The following MTM1 variants were observed in gnomAD, a reference collection of about 807,000 sequenced individuals.
MTM1 encodes the protein myotubularin 1.
A neutral mutation model predicts 52.1 loss-of-function variants in MTM1; 9 were observed. That is an observed-to-expected ratio of 0.17 (90% CI 0.10 to 0.30). MTM1 has a LOEUF of 0.30. Among genes scored for constraint, MTM1 ranks in the 10% least tolerant of loss-of-function variants. The pLI, the probability that MTM1 is intolerant of heterozygous loss-of-function variation, is 1.00. For synonymous variants in MTM1, 136 were observed against 163.8 expected, an observed-to-expected ratio of 0.83 and a Z score of 1.29; for missense variants, 277 against 470.7, an observed-to-expected ratio of 0.59 and a Z score of 3.81.
chrX:150,658,879 G>T (rs782372501), intron 11 of MTM1, among the ~76,000 whole-genome samples: 2 of 112,227 alleles, frequency 1.8e-5, no homozygotes, highest in African/African-American at 6.5e-5. Flanking sequence ...TTGAGATGGA[G>T]TTTCGCCCTT....
intron 14 of MTM1, among the ~76,000 whole-genome samples, chrX:150,669,816 A>AAATGAG (rs2040367547): frequency 1.8e-5 from 2 of 111,991 alleles, no homozygotes; most frequent in East Asian, 5.6e-4. Context: ...CTCTTATTCT[A>AAATGAG]TAGATTGCCT....
chrX:150,645,605 C>T, intron 8 of MTM1, 78 bp from the exon 9 acceptor site: 1 of 947,990 alleles, frequency 1.1e-6, no homozygotes, highest in Non-Finnish European at 1.5e-6. Context: ...ACCGTCAGTG[C>T]TTTACTGTTT....
At chrX:150,596,440 T>C (rs2038976173) in intron 2 of MTM1, 58 bp from the exon 3 acceptor site, 1 of 949,386 alleles carries the variant, frequency 1.1e-6, no homozygotes, top group Non-Finnish European at 1.5e-6. Context: ...TCCTAGTTGC[T>C]TAAAAACAGT....
chrX:150,639,949 G>A (rs1453810264), intron 7 of MTM1, among the ~76,000 whole-genome samples: 1 of 112,014 alleles, frequency 8.9e-6, no homozygotes, highest in Non-Finnish European at 1.9e-5. Flanking sequence ...TTAATCAACG[G>A]TTTGCATATT....
At chrX:150,634,607 TAA>T (rs34360622) in intron 6 of MTM1, among the ~76,000 whole-genome samples, 4 of 106,040 alleles carry the variant, frequency 3.8e-5, no homozygotes, top group Non-Finnish European at 3.9e-5. Context: ...ATGATTGCTT[TAA>T]AAAAAAAAAG....
chrX:150,580,803 T>A (rs1436962530), intron 1 of MTM1, among the ~76,000 whole-genome samples: 1 of 111,832 alleles, frequency 8.9e-6, no homozygotes, highest in African/African-American at 3.3e-5. Context: ...ATACTCCTTC[T>A]CTACTATGGC....
At chrX:150,569,072 C>T (rs2038315632) in intron 1 of MTM1, among the ~76,000 whole-genome samples, 1 of 113,793 alleles carries the variant, frequency 8.8e-6, no homozygotes, top group Admixed American at 9.1e-5. Flanking sequence ...CTGGTCCTCG[C>T]CTTGGCCCTC....
chrX:150,670,779 G>A lies in MTM1; in HGVS notation c.1645-649G>A, dbSNP rs188105264. ...TAGAGAAACACTCGCATATGTGCTT[G>A]AGGAGATGTGTACAAGGATACTCAG... On this transcript the variant is annotated intron_variant, in intron 14 of 14. Coordinates refer to ENST00000370396, the MANE Select transcript of MTM1 (RefSeq NM_000252.3). Among the ~76,000 whole-genome samples the A allele has an allele frequency of 5.1e-4, 57 of 111,209 alleles. 1 individual carries two copies. Among genetic ancestry groups the A allele is most frequent in the African/African-American group, 1.8e-3 (55 of 30,581 alleles).
chrX:150,626,221 G>A (rs782712108), intron 6 of MTM1, among the ~76,000 whole-genome samples: 2 of 112,540 alleles, frequency 1.8e-5, no homozygotes, highest in African/African-American at 6.5e-5. Flanking sequence ...AGTTAGTAGA[G>A]TGCGTTATGG....
intron 6 of MTM1, among the ~76,000 whole-genome samples, chrX:150,623,405 T>G (rs1462301542): frequency 9.0e-6 from 1 of 110,897 alleles, no homozygotes; most frequent in Non-Finnish European, 1.9e-5. Flanking sequence ...GGGGTTTTTT[T>G]TCTTTTTGAG....
intron 6 of MTM1, among the ~76,000 whole-genome samples, chrX:150,625,708 T>G (rs1449342272): frequency 8.9e-6 from 1 of 112,840 alleles, no homozygotes. Flanking sequence ...CGCTTTCCTT[T>G]CACATTCTGC....
At chrX:150,658,915 G>A (rs1557414565) in intron 11 of MTM1, among the ~76,000 whole-genome samples, 1 of 112,422 alleles carries the variant, frequency 8.9e-6, no homozygotes, top group Non-Finnish European at 1.9e-5. Context: ...GCGCAATGGC[G>A]TGATCTCGGC....
rs782730135 is a variant in MTM1 at position 150,649,758 on chromosome X, G to A, written c.910G>A (p.Ala304Thr). Residue 304 changes from alanine (A) to threonine (T), a missense_variant, in exon 10 of 15, where the codon GCC becomes ACC. By Grantham distance (58) the Ala-to-Thr change is moderately conservative. This residue lies in a region of MTM1 where 164 missense variants were observed against 283.3 expected (regional missense o/e 0.58). Coordinates refer to ENST00000370396, the MANE Select transcript of MTM1 (RefSeq NM_000252.3). Reference sequence around the variant, plus strand: ...TGAAAGTGATGATGCATATCATAACGCCGAACTTTTCTTCTTAGACATTCA... The same window carrying A: ...TGAAAGTGATGATGCATATCATAACACCGAACTTTTCTTCTTAGACATTCA... ...GYESDDAYHN[A>T]ELFFLDIHNI... is the part of the protein sequence containing the mutation. 2 of 1,210,090 alleles carry A rather than the reference G, an allele frequency of 1.7e-6. No individual in the cohort carries two copies. Among genetic ancestry groups the A allele is most frequent in the East Asian group, 3.0e-5 (1 of 33,774 alleles).
At chrX:150,603,633 A>C (rs781915921) in intron 4 of MTM1, among the ~76,000 whole-genome samples, 1 of 111,961 alleles carries the variant, frequency 8.9e-6, no homozygotes, top group Admixed American at 9.5e-5. Context: ...GACATATTAC[A>C]GGAGAAGGAA....
intron 10 of MTM1, among the ~76,000 whole-genome samples, chrX:150,651,714 T>C (rs2040024595): frequency 9.0e-6 from 1 of 110,898 alleles, no homozygotes; most frequent in East Asian, 2.8e-4. Context: ...CAGTCAGCTA[T>C]TGGGCAACAA....
At chrX:150,642,083 G>C (rs1557413866) in intron 8 of MTM1, among the ~76,000 whole-genome samples, 1 of 94,479 alleles carries the variant, frequency 1.1e-5, no homozygotes, top group Non-Finnish European at 2.2e-5. Flanking sequence ...TAAGTACCTT[G>C]GGGTTTTTTT....
In MTM1 at chrX:150,597,186, C is replaced by A. The variant is rs148537857; in HGVS notation, c.136+616C>A. On this transcript the variant is annotated intron_variant, in intron 3 of 14. Transcript: ENST00000370396. ...GGCAAATTTTATATGTGGATTAACA[C>A]CCTCCTTTCAGACTTCAATGTATTT... 6.1e-3 allele frequency among the ~76,000 whole-genome samples: 685 copies of A among 112,213 alleles called. 5 individuals carry two copies. The highest frequency in any genetic ancestry group is 0.021 in the African/African-American group (657 of 30,897).
chrX:150,617,768 CTG>C (rs2039409990), intron 5 of MTM1, among the ~76,000 whole-genome samples: 1 of 111,767 alleles, frequency 8.9e-6, no homozygotes, highest in Non-Finnish European at 1.9e-5. Context: ...AAAATGAAGA[CTG>C]TGATATCCAA....
chrX:150,605,737 C>G (rs2039145267), intron 4 of MTM1, among the ~76,000 whole-genome samples: 1 of 111,908 alleles, frequency 8.9e-6, no homozygotes, highest in African/African-American at 3.3e-5. Flanking sequence ...TCTCAAATAC[C>G]TGGTTATGAA....
Sources: gnomAD v4.1 joint callset for allele counts (sites outside exome capture counted in the v4.1 genomes callset) on GRCh38, gnomAD v4.1.1 for gene constraint, gnomAD v4.1.1 regional missense constraint, MANE v1.5 for transcripts, NCBI Gene and HGNC (gene_info 2026-07-23, HGNC 2026-07-21) for gene names.